The following SMYD3 variants were observed in gnomAD, a reference collection of about 807,000 sequenced individuals.
SMYD3 encodes the protein histone-lysine N-methyltransferase SMYD3.
In SMYD3, 36 loss-of-function variants were observed where a neutral mutation model predicts 57.7. That is an observed-to-expected ratio of 0.62 (90% CI 0.48 to 0.82). The LOEUF (loss-of-function observed/expected upper bound fraction) is 0.82. SMYD3 is among the 40% of genes least tolerant of loss of function. The pLI, the probability that SMYD3 is intolerant of heterozygous loss-of-function variation, is 0.00. For missense variants in SMYD3, 515 were observed against 538.8 expected (o/e 0.96, Z 0.44); for synonymous variants, 211 against 195.0 (o/e 1.08, Z -0.68).
intron 10 of SMYD3, among the ~76,000 whole-genome samples, chr1:245,793,031 C>T (rs535469501): frequency 4.4e-4 from 67 of 152,090 alleles, no homozygotes; most frequent in African/African-American, 1.5e-3. Context: ...TCCATATAGG[C>T]CAGGCACAGT....
intron 5 of SMYD3, among the ~76,000 whole-genome samples, chr1:246,325,460 C>T (rs1288649068): frequency 6.6e-6 from 1 of 152,074 alleles, no homozygotes; most frequent in Non-Finnish European, 1.5e-5. Context: ...AAGTGACACA[C>T]TAAGGCCAAT....
Position 246,125,071 on chromosome 1 carries a change from CAAA to C in SMYD3, c.532-195137_532-195135del, listed in dbSNP as rs35080862. Reference sequence around the variant, plus strand: ...TGGGCGACAGAGCGAGACTCCGTCTCAAAAAAAAAAAAAAAAACACACACACAC... The same window carrying C: ...TGGGCGACAGAGCGAGACTCCGTCTCAAAAAAAAAAAAAACACACACACAC... On this transcript the variant is annotated intron_variant, in intron 5 of 11. Coordinates refer to ENST00000490107, the MANE Select transcript of SMYD3 (RefSeq NM_001167740.2). Among the ~76,000 whole-genome samples the C allele has an allele frequency of 8.2e-5, 10 of 121,714 alleles. No homozygotes were observed. The South Asian group carries it at 8.5e-4, about 10-fold the overall frequency. The allele number at this position is 121,714 out of a possible 152,430, so 79.8% of individuals were successfully genotyped here.
intron 10 of SMYD3, among the ~76,000 whole-genome samples, chr1:245,808,526 G>C (rs1404286106): frequency 6.6e-6 from 1 of 152,174 alleles, no homozygotes; most frequent in Non-Finnish European, 1.5e-5. Flanking sequence ...GAAGGAGCTG[G>C]CCTCTTGAGA....
At chr1:246,406,884 C>A (rs1010394105) in intron 1 of SMYD3, among the ~76,000 whole-genome samples, 2 of 152,192 alleles carry the variant, frequency 1.3e-5, no homozygotes, top group African/African-American at 2.4e-5. Context: ...CCCAAGCTAT[C>A]GACCTGGTAA....
rs112482389 is a variant in SMYD3, at chr1:246,163,486, C to G, written c.531+163715G>C. The stretch of plus-strand genomic sequence containing the variant: ...ACCTACCTGCATTCTTCTGAACTTG[C>G]AAATAAAGGCAATCAGGACTCTACC... On this transcript the variant is annotated intron_variant, in intron 5 of 11. Coordinates refer to ENST00000490107, the MANE Select transcript of SMYD3 (RefSeq NM_001167740.2). 1.6e-3 allele frequency among the ~76,000 whole-genome samples: 243 copies of G among 152,082 alleles called. 1 individual carries two copies. Among genetic ancestry groups the G allele is most frequent in the African/African-American group, 5.4e-3 (225 of 41,384 alleles).
chr1:245,949,028 G>A (rs1572766749), intron 5 of SMYD3, among the ~76,000 whole-genome samples: 1 of 152,298 alleles, frequency 6.6e-6, no homozygotes, highest in East Asian at 1.9e-4. Flanking sequence ...TCCATTGCAT[G>A]TGCCAACTGC....
In SMYD3 at chr1:245,848,277, C is replaced by CTGTGTG. The variant is rs3086296; in HGVS notation, c.1076+10213_1076+10218dup. On this transcript the variant is annotated intron_variant, in intron 10 of 11. Transcript: ENST00000490107. ...AGCCACCATGCCGAGTTATTTTTTT[C>CTGTGTG]TGTGTGTGTGTGTGTGTATTTCTTG... Among the ~76,000 whole-genome samples the CTGTGTG allele has an allele frequency of 8.7e-5, 13 of 150,142 alleles. No individual in the cohort carries two copies. The East Asian group carries it at 1.8e-3, about 21-fold the overall frequency.
At chr1:246,438,028 T>C (rs566168386) in intron 1 of SMYD3, among the ~76,000 whole-genome samples, 10 of 151,624 alleles carry the variant, frequency 6.6e-5, no homozygotes, top group African/African-American at 2.2e-4. Flanking sequence ...GAGATTACTA[T>C]AGGGTTAAAA....
intron 5 of SMYD3, among the ~76,000 whole-genome samples, chr1:246,123,333 C>T (rs1460563218): frequency 3.3e-5 from 5 of 152,002 alleles, no homozygotes; most frequent in Non-Finnish European, 5.9e-5. Context: ...TTTGGGAGGC[C>T]GAGGTGGGCA....
At chr1:246,325,221 G>A (rs71638328) in intron 5 of SMYD3, among the ~76,000 whole-genome samples, 2 of 3,186 alleles carry the variant, frequency 6.3e-4, no homozygotes, top group Non-Finnish European at 1.5e-3. Context: ...GTCGGGGGGC[G>A]GGAAGGAGGG....
intron 10 of SMYD3, among the ~76,000 whole-genome samples, chr1:245,841,564 G>T (rs138583792): frequency 6.6e-6 from 1 of 151,872 alleles, no homozygotes; most frequent in Non-Finnish European, 1.5e-5. Flanking sequence ...AATTCTAAAC[G>T]GACGGAAACA....
At chr1:246,284,513 TTCACGCCATTC>T (rs1184142626) in intron 5 of SMYD3, among the ~76,000 whole-genome samples, 1 of 151,630 alleles carries the variant, frequency 6.6e-6, no homozygotes, top group Non-Finnish European at 1.5e-5. Context: ...GCCTCCTGGG[TTCACGCCATTC>T]TCCTGCCTCA....
At chr1:245,850,990 G>A (rs1006048968) in intron 10 of SMYD3, among the ~76,000 whole-genome samples, 2 of 141,528 alleles carry the variant, frequency 1.4e-5, no homozygotes, top group African/African-American at 5.5e-5. Flanking sequence ...GGAGGGCTTT[G>A]GGAAATCAGA....
chr1:246,086,001 C>G (rs1031872682), intron 5 of SMYD3, among the ~76,000 whole-genome samples: 1 of 150,696 alleles, frequency 6.6e-6, no homozygotes, highest in Non-Finnish European at 1.5e-5. Flanking sequence ...TTTCCTTTTG[C>G]CTTTGCTTGA....
chr1:246,375,387 C>A (rs2148737539), intron 1 of SMYD3, among the ~76,000 whole-genome samples: 1 of 121,948 alleles, frequency 8.2e-6, no homozygotes, highest in South Asian at 2.7e-4. Flanking sequence ...GCACAAGACA[C>A]AACATGAGAG....
In SMYD3 at chr1:246,372,190, A is replaced by G. The variant is rs75941627; in HGVS notation, c.165-17096T>C. Among the ~76,000 whole-genome samples, 900 of 152,350 alleles carry G rather than the reference A, an allele frequency of 5.9e-3. 4 individuals are homozygous for G. Among genetic ancestry groups the G allele is most frequent in the Middle Eastern group, 0.024 (7 of 294 alleles). On this transcript the variant is annotated intron_variant, in intron 1 of 11. Coordinates refer to ENST00000490107, the MANE Select transcript of SMYD3 (RefSeq NM_001167740.2). ...ATCGATTTTTATTAAGAGGTCAATC[A>G]TCTGCTGATAGCCATGGAACGACAG...
In SMYD3 at chr1:245,821,332, T is replaced by C. The variant is rs1026563396; in HGVS notation, c.1076+37164A>G. ...ATTTAATAAATGGTGCTGCGAAAAC[T>C]GGCTAGCCATATGTAGAAAGCTGAA... On this transcript the variant is annotated intron_variant, in intron 10 of 11. Coordinates refer to ENST00000490107, the MANE Select transcript of SMYD3 (RefSeq NM_001167740.2). 6.8e-4 allele frequency among the ~76,000 whole-genome samples: 102 copies of C among 151,008 alleles called. 4 individuals are homozygous for C. Among genetic ancestry groups the C allele is most frequent in the Non-Finnish European group, 1.3e-3 (90 of 67,662 alleles).
intron 10 of SMYD3, among the ~76,000 whole-genome samples, chr1:245,817,767 C>T (rs1022366875): frequency 4.0e-5 from 6 of 150,278 alleles, no homozygotes; most frequent in Admixed American, 6.6e-5. Context: ...CCTCAGGAGC[C>T]GATGTGATCA....
chr1:246,077,715 G>T (rs932517983), intron 5 of SMYD3, among the ~76,000 whole-genome samples: 1 of 151,742 alleles, frequency 6.6e-6, no homozygotes, highest in South Asian at 2.1e-4. Context: ...TCCCATTCTG[G>T]CGTAGATGCC....
Sources: allele counts gnomAD v4.1 joint callset (sites outside exome capture counted in the v4.1 genomes callset), GRCh38; gene constraint gnomAD v4.1.1; transcripts MANE v1.5; gene names NCBI Gene and HGNC (gene_info 2026-07-23, HGNC 2026-07-21).